The following DLGAP2 variants were observed in gnomAD, a reference collection of about 807,000 sequenced individuals.
DLGAP2 encodes disks large-associated protein 2.
In DLGAP2, 26 loss-of-function variants were observed where a neutral mutation model predicts 100.3. That is an observed-to-expected ratio of 0.26 (90% CI 0.19 to 0.36). The LOEUF (loss-of-function observed/expected upper bound fraction) is 0.36, where lower values mean the gene tolerates loss of function less well. Among genes scored for constraint, DLGAP2 ranks in the 10% least tolerant of loss-of-function variants. The pLI is 1.00. For missense variants in DLGAP2, 1,858 were observed against 1,453.2 expected (o/e 1.28, Z -4.53); for synonymous variants, 886 against 630.1 (o/e 1.41, Z -6.08).
chr8:1,407,382 C>T (rs1185526671), intron 3 of DLGAP2, among the ~76,000 whole-genome samples: 21 of 107,846 alleles, frequency 1.9e-4, no homozygotes, highest in East Asian at 4.3e-4. Flanking sequence ...CCTTGTCCTC[C>T]GGAGTCCTGT....
intron 3 of DLGAP2, among the ~76,000 whole-genome samples, chr8:1,473,850 T>C (rs976171424): frequency 6.6e-6 from 1 of 152,210 alleles, no homozygotes; most frequent in Non-Finnish European, 1.5e-5. Flanking sequence ...TCTGCCACCA[T>C]GTAAGACCTG....
In DLGAP2 at chr8:1,164,172, C is replaced by A. The variant is rs1008813575; in HGVS notation, c.74-94679C>A. 3.2e-4 allele frequency among the ~76,000 whole-genome samples: 36 copies of A among 111,226 alleles called. 3 individuals are homozygous for A. Among genetic ancestry groups the A allele is most frequent in the African/African-American group, 1.2e-3 (32 of 26,760 alleles). The allele number at this position is 111,226 out of a possible 152,430, so 73.0% of individuals were successfully genotyped here. A position where few individuals can be genotyped will look rare whatever the true frequency, so the allele number is the denominator to read the frequency against. ...TTTCTGTGAGCCCCCCAGGGCCCGT[C>A]ATTTTGGTTTGTGGGGATTTTTCTG... On this transcript the variant is annotated intron_variant, in intron 2 of 14. Coordinates refer to ENST00000637795, the MANE Select transcript of DLGAP2 (RefSeq NM_001346810.2).
intron 2 of DLGAP2, among the ~76,000 whole-genome samples, chr8:1,027,711 T>C (rs1468959856): frequency 3.5e-4 from 24 of 68,040 alleles, no homozygotes; most frequent in African/African-American, 6.5e-4. Context: ...AGGTGGGGTG[T>C]CAGGCGCCCG....
chr8:1,389,703 G>A (rs966723274), intron 3 of DLGAP2, among the ~76,000 whole-genome samples: 1 of 152,066 alleles, frequency 6.6e-6, no homozygotes, highest in Non-Finnish European at 1.5e-5. Context: ...CCATGAGAAC[G>A]TCCTCCAAGG....
chr8:1,256,144 A>G (rs111350142), intron 2 of DLGAP2, among the ~76,000 whole-genome samples: 1 of 37,368 alleles, frequency 2.7e-5, no homozygotes, highest in African/African-American at 1.7e-4. Context: ...GTGTCCTCTC[A>G]TGCCTGGGTG....
intron 3 of DLGAP2, 95 bp downstream of exon 3, chr8:1,258,978 A>G (rs1799286846): frequency 1.9e-6 from 2 of 1,063,554 alleles, no homozygotes; most frequent in East Asian, 3.2e-5. Flanking sequence ...GTTGGAGAGA[A>G]CCTTGAACAT....
chr8:1,438,427 G>T (rs968565505), intron 3 of DLGAP2, among the ~76,000 whole-genome samples: 1 of 152,092 alleles, frequency 6.6e-6, no homozygotes, highest in African/African-American at 2.4e-5. Flanking sequence ...TTTTTCCAAA[G>T]AATAAAATTG....
At chr8:1,113,474 T>A (rs1364541646) in intron 2 of DLGAP2, among the ~76,000 whole-genome samples, 1 of 152,190 alleles carries the variant, frequency 6.6e-6, no homozygotes, top group Non-Finnish European at 1.5e-5. Flanking sequence ...GTGAATGTAA[T>A]TACCTTCCTG....
At chr8:1,549,742 A>C in intron 5 of DLGAP2, 59 bp downstream of exon 5, 1 of 1,445,426 alleles carries the variant, frequency 6.9e-7, no homozygotes, top group Non-Finnish European at 9.1e-7. Flanking sequence ...TATTGTCGTT[A>C]TTCCTTTTTT....
At chr8:1,098,114 T>C (rs1804449228) in intron 2 of DLGAP2, among the ~76,000 whole-genome samples, 1 of 152,258 alleles carries the variant, frequency 6.6e-6, no homozygotes, top group Non-Finnish European at 1.5e-5. Flanking sequence ...TCAGCAAACG[T>C]TGGCGGCGCC....
At chr8:1,529,646 T>C (rs184292575) in intron 4 of DLGAP2, among the ~76,000 whole-genome samples, 3 of 152,258 alleles carry the variant, frequency 2.0e-5, no homozygotes, top group East Asian at 3.9e-4. Flanking sequence ...TGGTGAACAT[T>C]AAAAAATTAC....
intron 2 of DLGAP2, among the ~76,000 whole-genome samples, chr8:1,040,356 CAGTGTGCGTGGTCAGCTT>C (rs1802302035): frequency 8.2e-5 from 12 of 146,902 alleles, no homozygotes; most frequent in East Asian, 2.1e-4. Context: ...GTGGTCGGCT[CAGTGTGCGTGGTCAGCTT>C]GGTTTCCGTG....
chr8:1,290,504 C>G (rs761568413), intron 3 of DLGAP2, among the ~76,000 whole-genome samples: 1 of 152,124 alleles, frequency 6.6e-6, no homozygotes, highest in South Asian at 2.1e-4. Context: ...GGCTCTAAAC[C>G]CTTTATAATG....
intron 2 of DLGAP2, among the ~76,000 whole-genome samples, chr8:1,191,224 T>C (rs1364902571): frequency 2.0e-4 from 25 of 123,294 alleles, no homozygotes; most frequent in Non-Finnish European, 8.8e-5. Flanking sequence ...CAGGCTGGAG[T>C]ACAGTGGCGC....
At chr8:1,261,979 C>A (rs73533792) in intron 3 of DLGAP2, among the ~76,000 whole-genome samples, 2,070 of 152,256 alleles carry the variant, frequency 0.014, 59 homozygotes, top group African/African-American at 0.047. Context: ...GTTAAGGCAC[C>A]ACCTCATTTA....
chr8:1,617,353 G>A (rs113547886), intron 6 of DLGAP2, among the ~76,000 whole-genome samples: 1 of 152,156 alleles, frequency 6.6e-6, no homozygotes, highest in Non-Finnish European at 1.5e-5. Context: ...AGCAGTGTAT[G>A]AGCATTCCCT....
At chr8:835,543 C>T (rs1796856956) in intron 1 of DLGAP2, among the ~76,000 whole-genome samples, 1 of 151,678 alleles carries the variant, frequency 6.6e-6, no homozygotes, top group Non-Finnish European at 1.5e-5. Context: ...CTTTGTAGTC[C>T]GTGGTCCCCC....
At position 801,127 on chromosome 8, in the gene DLGAP2, A is replaced by T. The variant is rs749579698; in HGVS notation, c.18+63302A>T. Among the ~76,000 whole-genome samples the T allele has an allele frequency of 2.0e-5, 3 of 152,300 alleles. No individual in the cohort carries two copies. In the East Asian group the frequency reaches 5.8e-4, roughly 29 times the overall value. ...TCCCACTGCATGATCGGTTGATTAG[A>T]CCGAAGGCGTTGTGCCTGCGTGTTT... is the stretch of plus-strand genomic sequence containing the variant. On this transcript the variant is annotated intron_variant, in intron 1 of 14. Transcript: ENST00000637795.
chr8:1,091,386 G>A (rs1029903946), intron 2 of DLGAP2, among the ~76,000 whole-genome samples: 18 of 152,244 alleles, frequency 1.2e-4, no homozygotes, highest in African/African-American at 2.7e-4. Context: ...CCAGTGTTTC[G>A]CGGCCTCAGT....
Sources: gnomAD v4.1 joint callset for allele counts (sites outside exome capture counted in the v4.1 genomes callset) on GRCh38, gnomAD v4.1.1 for gene constraint, MANE v1.5 for transcripts, NCBI Gene and HGNC (gene_info 2026-07-23, HGNC 2026-07-21) for gene names.